STX8: variants seen among roughly 807,000 people sequenced by gnomAD.
STX8 encodes syntaxin-8.
In STX8, 23 loss-of-function variants were observed where a neutral mutation model predicts 37.5. The observed-to-expected ratio is 0.61, with a 90% CI of 0.44 to 0.87. The LOEUF is 0.87. STX8 is among the 40% of genes least tolerant of loss of function. The pLI is 0.00. For synonymous variants in STX8, 115 were observed against 99.1 expected (o/e 1.16, Z -0.95); for missense variants, 313 against 284.7 (o/e 1.10, Z -0.71).
chr17:9,282,051 C>A (rs985648533), intron 7 of STX8, among the ~76,000 whole-genome samples: 38 of 152,196 alleles, frequency 2.5e-4, no homozygotes, highest in African/African-American at 8.7e-4. Context: ...TTCTCCATTT[C>A]CCCCCTCTAT....
At chr17:9,293,741 T>C (rs905030993) in intron 7 of STX8, among the ~76,000 whole-genome samples, 5 of 151,988 alleles carry the variant, frequency 3.3e-5, no homozygotes, top group African/African-American at 1.2e-4. Flanking sequence ...TGTTTAACTT[T>C]TTATGTGGTC....
intron 6 of STX8, among the ~76,000 whole-genome samples, chr17:9,483,716 A>C (rs1354856360): frequency 6.6e-6 from 1 of 152,174 alleles, no homozygotes; most frequent in African/African-American, 2.4e-5. Context: ...TTCAAAGGAC[A>C]CGCTGGTCTC....
chr17:9,336,309 G>C (rs147754149), intron 7 of STX8, among the ~76,000 whole-genome samples: 1 of 152,180 alleles, frequency 6.6e-6, no homozygotes, highest in Admixed American at 6.5e-5. Context: ...GTGGATAGGT[G>C]CAAAACGACC....
chr17:9,401,694 A>G (rs139074191), intron 6 of STX8, among the ~76,000 whole-genome samples: 2 of 152,264 alleles, frequency 1.3e-5, no homozygotes, highest in Admixed American at 1.3e-4. Context: ...TGGTTTCTCC[A>G]TATTTCTCTT....
chr17:9,397,995 AAAAAAGAAAG>A (rs1271869318), intron 6 of STX8, among the ~76,000 whole-genome samples: 2 of 148,960 alleles, frequency 1.3e-5, no homozygotes, highest in East Asian at 2.0e-4. Context: ...CTCCAAAAAA[AAAAAAGAAAG>A]AAAGAACAAA....
intron 6 of STX8, among the ~76,000 whole-genome samples, chr17:9,426,420 G>T (rs1913632509): frequency 6.6e-6 from 1 of 152,172 alleles, no homozygotes; most frequent in South Asian, 2.1e-4. Context: ...CTAGCTACCT[G>T]GGAGGCTGAG....
chr17:9,354,929 G>T (rs1248722745), intron 7 of STX8, among the ~76,000 whole-genome samples: 1 of 152,008 alleles, frequency 6.6e-6, no homozygotes, highest in Non-Finnish European at 1.5e-5. Context: ...TCTTTCTAGG[G>T]TTAATATTTG....
At chr17:9,320,258 G>C (rs889462637) in intron 7 of STX8, among the ~76,000 whole-genome samples, 1 of 150,590 alleles carries the variant, frequency 6.6e-6, no homozygotes, top group Non-Finnish European at 1.5e-5. Flanking sequence ...GCTTGAACCC[G>C]GGAGGTGGAG....
chr17:9,434,027 G>A (rs962294154), intron 6 of STX8, among the ~76,000 whole-genome samples: 6 of 151,682 alleles, frequency 4.0e-5, no homozygotes, highest in Non-Finnish European at 7.4e-5. Flanking sequence ...TTTTTGAGAC[G>A]GAGGCTCACT....
chr17:9,296,500 C>CAA (rs55811417), intron 7 of STX8, among the ~76,000 whole-genome samples: 2,539 of 123,178 alleles, frequency 0.021, 99 homozygotes, highest in African/African-American at 0.058. Context: ...CTCCATCTCT[C>CAA]AAAAAAAAAA....
At chr17:9,274,705 TAATAATAATAAAC>T (rs1266557598) in intron 7 of STX8, among the ~76,000 whole-genome samples, 14 of 124,206 alleles carry the variant, frequency 1.1e-4, no homozygotes, top group African/African-American at 3.1e-4. Context: ...ATAATAATAA[TAATAATAATAAAC>T]AAAGTCTTCA....
At chr17:9,425,792 C>A (rs17741706) in intron 6 of STX8, among the ~76,000 whole-genome samples, 3,310 of 152,256 alleles carry the variant, frequency 0.022, 58 homozygotes, top group Non-Finnish European at 0.033. Flanking sequence ...CCACTAATGT[C>A]CCTCCAAGCT....
chr17:9,365,690 G>A (rs927222457), intron 7 of STX8, among the ~76,000 whole-genome samples: 2 of 152,242 alleles, frequency 1.3e-5, no homozygotes, highest in African/African-American at 4.8e-5. Context: ...AAAAGACAGG[G>A]GGGCCACGTG....
chr17:9,487,613 G>A (rs1174462116), intron 6 of STX8, among the ~76,000 whole-genome samples: 1 of 152,084 alleles, frequency 6.6e-6, no homozygotes, highest in Non-Finnish European at 1.5e-5. Context: ...TTCTCTCCGG[G>A]AGGCCACCAC....
intron 7 of STX8, among the ~76,000 whole-genome samples, chr17:9,255,190 C>T (rs1456054905): frequency 6.6e-6 from 1 of 152,120 alleles, no homozygotes; most frequent in African/African-American, 2.4e-5. Flanking sequence ...ATTAGACAAA[C>T]TGTGCCCCAG....
At chr17:9,314,561 G>A (rs1349087278) in intron 7 of STX8, among the ~76,000 whole-genome samples, 1 of 150,178 alleles carries the variant, frequency 6.7e-6, no homozygotes, top group Non-Finnish European at 1.5e-5. Context: ...TCCCATGCCC[G>A]GCTAATTTTT....
chr17:9,333,110 A>C lies in STX8; in HGVS notation c.643+45442T>G, dbSNP rs138672267. Among the ~76,000 whole-genome samples, 190 of 152,190 alleles carry C rather than the reference A, an allele frequency of 1.2e-3. 2 individuals are homozygous for C. The highest frequency in any genetic ancestry group is 0.01 in the Admixed American group (155 of 15,274). ...TTGGGATTAAAAAATAATAATCTCA[A>C]TTTTTAGATTCAGGAGGTACATATA... On this transcript the variant is annotated intron_variant, in intron 7 of 7. Coordinates refer to ENST00000306357, the MANE Select transcript of STX8 (RefSeq NM_004853.3).
chr17:9,561,323 A>T (rs1250290856), intron 2 of STX8, among the ~76,000 whole-genome samples: 1 of 152,190 alleles, frequency 6.6e-6, no homozygotes, highest in Non-Finnish European at 1.5e-5. Context: ...ATACCAGATC[A>T]AAGCTTAATA....
In STX8 at chr17:9,310,214, G is replaced by A. The variant is rs557397300; in HGVS notation, c.644-59569C>T. On this transcript the variant is annotated intron_variant, in intron 7 of 7. Coordinates refer to ENST00000306357, the MANE Select transcript of STX8 (RefSeq NM_004853.3). The stretch of plus-strand genomic sequence containing the variant: ...ACCCTGATAACCAAAATCCTAATAA[G>A]AGAACTTCGTGGTGGAGACTGTTAG... Among the ~76,000 whole-genome samples, 5 of 152,220 alleles carry A rather than the reference G, an allele frequency of 3.3e-5. No homozygotes were observed. The South Asian group carries it at 6.2e-4, about 19-fold the overall frequency.
Sources: gnomAD v4.1 joint callset for allele counts (sites outside exome capture counted in the v4.1 genomes callset) on GRCh38, gnomAD v4.1.1 for gene constraint, MANE v1.5 for transcripts, NCBI Gene and HGNC (gene_info 2026-07-23, HGNC 2026-07-21) for gene names.